Variants in TAF15 observed in about 807,000 individuals in gnomAD.
TAF15 encodes the protein TATA-box binding protein associated factor 15, also known as TATA-binding protein-associated factor 2N.
In TAF15, 37 loss-of-function variants were observed where a neutral mutation model predicts 102.5. The observed-to-expected ratio is 0.36, with a 90% CI of 0.28 to 0.47. TAF15 has a LOEUF of 0.47. Ranked by LOEUF, TAF15 falls within the 20% of genes least tolerant of loss-of-function variation. The pLI, the probability that TAF15 is intolerant of heterozygous loss-of-function variation, is 0.99. For missense variants in TAF15, 652 were observed against 760.7 expected (o/e 0.86, Z 1.68); for synonymous variants, 273 against 259.2 (o/e 1.05, Z -0.51).
chr17:35,813,117 CAAAAAAAAA>C (rs55754009), intron 1 of TAF15, among the ~76,000 whole-genome samples: 4 of 58,940 alleles, frequency 6.8e-5, no homozygotes, highest in Non-Finnish European at 1.2e-4. Context: ...GACTCTGTCT[CAAAAAAAAA>C]AAAAAAAAAA....
chr17:35,828,604 G>A (rs2087358594), intron 7 of TAF15, among the ~76,000 whole-genome samples: 1 of 151,898 alleles, frequency 6.6e-6, no homozygotes, highest in Admixed American at 6.6e-5. Flanking sequence ...TGTGGCACAC[G>A]CCTGTAGTCC....
intron 11 of TAF15, among the ~76,000 whole-genome samples, chr17:35,838,911 T>C (rs2087507693): frequency 6.6e-6 from 1 of 152,166 alleles, no homozygotes; most frequent in African/African-American, 2.4e-5. Context: ...TTTTCCTGTA[T>C]CTATCACTTG....
At chr17:35,832,962 A>G (rs1009324144) in intron 7 of TAF15, among the ~76,000 whole-genome samples, 2 of 152,032 alleles carry the variant, frequency 1.3e-5, no homozygotes, top group African/African-American at 4.8e-5. Flanking sequence ...CTGGAGATCA[A>G]CTTAGCCAAC....
chr17:35,834,085 A>G lies in TAF15; in HGVS notation c.640+144A>G, dbSNP rs2087440419. ...GTGTGCTTTAAAAAAAATTTTATAT[A>G]TATATATATACACATATATATATCA... On this transcript the variant is annotated intron_variant, in intron 8 of 15. Coordinates refer to ENST00000605844, the MANE Select transcript of TAF15 (RefSeq NM_139215.3). The G allele has an allele frequency of 1.3e-5, 7 of 546,136 alleles. No individual in the cohort carries two copies. In the South Asian group the frequency reaches 1.7e-4, roughly 13 times the overall value. The allele number at this position is 546,136 out of a possible 1,614,324, so 33.8% of individuals were successfully genotyped here.
chr17:35,844,888 G>T lies in TAF15; in HGVS notation c.1589G>T (p.Gly530Val), dbSNP rs1458425946. The T allele has an allele frequency of 1.2e-6, 2 of 1,613,086 alleles. No homozygotes were observed. The highest frequency in any genetic ancestry group is 8.5e-7 in the Non-Finnish European group (1 of 1,179,508). Residue 530 changes from glycine to valine, a missense_variant, in exon 15 of 16, where the codon GGC (glycine) becomes GTC (valine). Coordinates refer to ENST00000605844, the MANE Select transcript of TAF15 (RefSeq NM_139215.3). ...TATGGAGGAGACAGAAGCCGGGGGGGCTATGGAGGAGACCGTGGTGGTGGC... is the reference window on the plus strand; with the variant it reads ...TATGGAGGAGACAGAAGCCGGGGGGTCTATGGAGGAGACCGTGGTGGTGGC... ...GGYGGDRSRG[G>V]YGGDRGGGSG...
At position 35,823,543 on chromosome 17, in the gene TAF15, C is replaced by CA. The variant is rs1385156149; in HGVS notation, c.485-523dup. 1,042 of 150,702 alleles carry CA rather than the reference C, an allele frequency of 6.9e-3. 2 individuals carry two copies. The highest frequency in any genetic ancestry group is 0.015 in the South Asian group (88 of 5,970). The allele number at this position is 150,702 out of a possible 1,614,324, so 9.3% of individuals were successfully genotyped here. A position where few individuals can be genotyped will look rare whatever the true frequency, so the allele number is the denominator to read the frequency against. On this transcript the variant is annotated intron_variant, in intron 6 of 15. Transcript: ENST00000605844. Reference sequence around the variant, plus strand: ...TGAAACCCTGTCTCTACTAAAAATACAAAAAAAAAAAATTAGCCAGGCATG... The same window carrying CA: ...TGAAACCCTGTCTCTACTAAAAATACAAAAAAAAAAAAATTAGCCAGGCATG...
chr17:35,825,593 A>G (rs762850381), intron 7 of TAF15, among the ~76,000 whole-genome samples: 14 of 152,224 alleles, frequency 9.2e-5, no homozygotes, highest in Non-Finnish European at 1.9e-4. Context: ...CGATTATTAA[A>G]CTATCACTGT....
chr17:35,824,350 G>T, intron 7 of TAF15, 152 bp downstream of exon 7: 1 of 1,067,540 alleles, frequency 9.4e-7, no homozygotes, highest in Non-Finnish European at 1.3e-6. Context: ...GAAATTAAAA[G>T]TGTATTTTCA....
intron 1 of TAF15, among the ~76,000 whole-genome samples, chr17:35,816,055 G>C (rs1450825175): frequency 6.6e-6 from 1 of 152,022 alleles, no homozygotes; most frequent in South Asian, 2.1e-4. Context: ...TCGACCTCCT[G>C]GGCTCAAGCA....
In TAF15 at chr17:35,834,712, G is replaced by A; in HGVS notation, c.673+114G>A. On this transcript the variant is annotated intron_variant, in intron 9 of 15. Coordinates refer to ENST00000605844, the MANE Select transcript of TAF15 (RefSeq NM_139215.3). ...TACAGGAGGAAGATTTAATTTGATA[G>A]TGCTGCCAGAACTGGGGAGCTTTAT... 3.9e-6 allele frequency: 3 copies of A among 762,790 alleles called. No homozygotes were observed. The East Asian group carries it at 8.5e-5, about 22-fold the overall frequency. 47.3% of individuals were successfully genotyped at this position (762,790 alleles called of 1,614,324 possible).
At chr17:35,820,308 A>G in intron 4 of TAF15, 24 bp from the exon 5 acceptor site, 1 of 1,613,820 alleles carries the variant, frequency 6.2e-7, no homozygotes. Context: ...CCTTCACTAA[A>G]TGATATACTC....
intron 10 of TAF15, among the ~76,000 whole-genome samples, chr17:35,837,849 T>G (rs1169797656): frequency 6.6e-6 from 1 of 152,036 alleles, no homozygotes; most frequent in Non-Finnish European, 1.5e-5. Context: ...CGTATTTACA[T>G]GAAGCATTAT....
Position 35,844,722 on chromosome 17 carries a change from CGAG to C in TAF15, c.1428_1430del (p.Gly478del), listed in dbSNP as rs747057095. The C allele has an allele frequency of 2.4e-5, 38 of 1,595,372 alleles. No homozygotes were observed. In the East Asian group the frequency reaches 3.6e-4, roughly 15 times the overall value. On this transcript the variant is annotated inframe_deletion, in exon 15 of 16. Coordinates refer to ENST00000605844, the MANE Select transcript of TAF15 (RefSeq NM_139215.3). ...CAGAGGAGGCGGCTATGGAGGAGAC[CGAG>C]GAGGTGGCTATGGAGGAGATCGAGG...
intron 2 of TAF15, among the ~76,000 whole-genome samples, chr17:35,819,440 G>A (rs1008239316): frequency 1.3e-5 from 2 of 152,136 alleles, no homozygotes; most frequent in African/African-American, 4.8e-5. Flanking sequence ...CTATGTGCCA[G>A]GCCCTGCTAC....
At chr17:35,823,760 AAGGTTCTTGT>A (rs2087293050) in intron 6 of TAF15, 2 of 346,188 alleles carry the variant, frequency 5.8e-6, no homozygotes, top group African/African-American at 2.1e-5. Context: ...CTAAGTTACT[AAGGTTCTTGT>A]AGCTAAGATT....
At chr17:35,834,839 G>A (rs1416827273) in intron 9 of TAF15, among the ~76,000 whole-genome samples, 5 of 145,180 alleles carry the variant, frequency 3.4e-5, no homozygotes, top group Admixed American at 2.9e-4. Context: ...CCCACCTGCC[G>A]GGTTCAAGCA....
intron 15 of TAF15, among the ~76,000 whole-genome samples, 187 bp from the exon 16 acceptor site, chr17:35,846,717 TTG>T (rs2087626997): frequency 6.6e-6 from 1 of 152,312 alleles, no homozygotes; most frequent in South Asian, 2.1e-4. Flanking sequence ...TCTAGGAACT[TTG>T]TGAATCTTAA....
intron 1 of TAF15, chr17:35,811,306 C>G (rs2143728038): frequency 6.6e-6 from 1 of 152,264 alleles, no homozygotes; most frequent in Middle Eastern, 3.4e-3. Context: ...TAGTATTGAT[C>G]TTCAAGTTAC....
chr17:35,823,927 C>T, intron 6 of TAF15, 151 bp from the exon 7 acceptor site: 1 of 962,342 alleles, frequency 1.0e-6, no homozygotes, highest in South Asian at 1.4e-5. Flanking sequence ...CATGTAATTC[C>T]AGATGATTTT....
Sources: gnomAD v4.1 joint callset for allele counts (sites outside exome capture counted in the v4.1 genomes callset) on GRCh38, gnomAD v4.1.1 for gene constraint, MANE v1.5 for transcripts, NCBI Gene and HGNC (gene_info 2026-07-23, HGNC 2026-07-21) for gene names.